The following PLEKHG4B variants were observed in gnomAD, a reference collection of about 807,000 sequenced individuals.
PLEKHG4B encodes pleckstrin homology and RhoGEF domain containing G4B.
In PLEKHG4B, 111 loss-of-function variants were observed where a neutral mutation model predicts 121.3. The ratio of observed to expected loss-of-function variants is 0.92; its 90% CI spans 0.78 to 1.07. The LOEUF is 1.07. PLEKHG4B is among the 50% of genes least tolerant of loss of function. The pLI is 0.00. For missense variants in PLEKHG4B, 1,831 were observed against 1,757.8 expected (o/e 1.04, Z -0.74); for synonymous variants, 738 against 725.0 (o/e 1.02, Z -0.29).
rs753244727 is a variant in PLEKHG4B, at chr5:140,464, C to T, written c.1225C>T (p.Gln409Ter). Residue 409 changes from glutamine to a stop codon, truncating the protein, a stop_gained, in exon 3 of 20, where the codon CAA becomes TAA. Transcript: ENST00000637938. LOFTEE classifies it high-confidence loss of function. ...AACCTCTGGCCCCCGGGGAGACCCC[C>T]AACAGACCCCAAGTCTAGAGAAGGA... ...EETSGPRGDP[Q>*]QTPSLEKERH... is the part of the protein sequence containing the mutation. 1.1e-5 allele frequency: 17 copies of T among 1,588,380 alleles called. No homozygotes were observed. The highest frequency in any genetic ancestry group is 2.7e-5 in the African/African-American group (2 of 74,198).
chr5:107,989 TAGAAG>T (rs1381905357), intron 1 of PLEKHG4B, among the ~76,000 whole-genome samples: 1 of 152,044 alleles, frequency 6.6e-6, no homozygotes, highest in Non-Finnish European at 1.5e-5. Flanking sequence ...CTCAGGGAAT[TAGAAG>T]AGAGGAGGCC....
chr5:111,227 C>G (rs1040890276), intron 1 of PLEKHG4B, among the ~76,000 whole-genome samples: 1 of 152,276 alleles, frequency 6.6e-6, no homozygotes, highest in Non-Finnish European at 1.5e-5. Flanking sequence ...AAACCTGGTT[C>G]ATGGCTCACT....
At position 140,658 on chromosome 5, in the gene PLEKHG4B, A is replaced by C; in HGVS notation, c.1419A>C (p.Gln473His). 6.2e-7 allele frequency: 1 copy of C among 1,606,678 alleles called. No homozygotes were observed. The highest frequency in any genetic ancestry group is 8.5e-7 in the Non-Finnish European group (1 of 1,176,696). The stretch of plus-strand genomic sequence containing the variant: ...GGCCTGGGGGCCACCTAGGAGGACA[A>C]GCTGTGGGGACCCCAAACTGTGTCC... Reference protein sequence around the residue: ...GSRPGGHLGGQAVGTPNCVPV... With the variant: ...GSRPGGHLGGHAVGTPNCVPV... Residue 473 changes from glutamine (Q) to histidine (H), a missense_variant, in exon 3 of 20, where the codon CAA becomes CAC. Physicochemically the swap from Gln to His is conservative, Grantham distance 24. Coordinates refer to ENST00000637938, the MANE Select transcript of PLEKHG4B (RefSeq NM_052909.5).
chr5:150,010 G>A (rs535027147), intron 6 of PLEKHG4B, among the ~76,000 whole-genome samples: 1 of 152,322 alleles, frequency 6.6e-6, no homozygotes, highest in South Asian at 2.1e-4. Context: ...ACAATACTGT[G>A]TCTGGGTATA....
chr5:106,474 T>C (rs1201540749), intron 1 of PLEKHG4B, among the ~76,000 whole-genome samples: 1 of 152,264 alleles, frequency 6.6e-6, no homozygotes, highest in Non-Finnish European at 1.5e-5. Context: ...ATTTATTTAT[T>C]TCAAGGTATT....
At chr5:142,998 A>C (rs1267145677) in intron 3 of PLEKHG4B, 49 bp from the exon 4 acceptor site, 1 of 1,551,894 alleles carries the variant, frequency 6.4e-7, no homozygotes, top group Middle Eastern at 1.7e-4. Flanking sequence ...GCTGCTTTCA[A>C]CGCGCAGGAA....
Position 171,234 on chromosome 5 carries a change from T to C in PLEKHG4B, c.3840T>C (p.Gly1280=). The C allele has an allele frequency of 6.2e-7, 1 of 1,606,038 alleles. No homozygotes were observed. The highest frequency in any genetic ancestry group is 8.5e-7 in the Non-Finnish European group (1 of 1,175,122). The stretch of plus-strand genomic sequence containing the variant: ...TGCAGGACAAGCAGCGGGAGCTAGG[T>C]GACAAAATGGACCTGGCCTCCTACC... ...AFFKDKQREL[G]DKMDLASYLL... is the part of the protein sequence containing the mutation. The change falls in exon 16 of 20, where the codon GGT becomes GGC. Residue 1280 remains glycine (G), a synonymous_variant. Coordinates refer to ENST00000637938, the MANE Select transcript of PLEKHG4B (RefSeq NM_052909.5).
rs1735837642 is a variant in PLEKHG4B, at chr5:157,723, TC to T, written c.2487+813del. 6.6e-6 allele frequency among the ~76,000 whole-genome samples: 1 copy of T among 152,216 alleles called. No individual in the cohort carries two copies. ...TGCACACTCAGATAAAAAGTTTCTT[TC>T]TTTTCTCACATATAAACTCTTCAAA... On this transcript the variant is annotated intron_variant, in intron 11 of 19. Coordinates refer to ENST00000637938, the MANE Select transcript of PLEKHG4B (RefSeq NM_052909.5). This position sits in a 1 kb window ranked among gnomAD's most constrained non-coding sequence, Gnocchi z 4.6.
intron 2 of PLEKHG4B, among the ~76,000 whole-genome samples, chr5:117,927 A>G (rs553898958): frequency 6.6e-6 from 1 of 152,312 alleles, no homozygotes; most frequent in African/African-American, 2.4e-5. Context: ...AGAGAGACAG[A>G]AGTGAGCTGG....
chr5:155,888 C>A (rs1735759535), intron 9 of PLEKHG4B, among the ~76,000 whole-genome samples, 183 bp from the exon 10 acceptor site: 1 of 152,014 alleles, frequency 6.6e-6, no homozygotes, highest in Admixed American at 6.5e-5. Flanking sequence ...TCCCAGGGAT[C>A]TTATCCTGGG....
Position 171,138 on chromosome 5 carries a change from C to G in PLEKHG4B, c.3819+6C>G, listed in dbSNP as rs752581240. On this transcript the variant is annotated splice_donor_region_variant and intron_variant, in intron 15 of 19. Transcript: ENST00000637938. ...ATGGCAACGCCTTCTTCAAGGTCAT[C>G]CCCCTCGGCCCGCCCCCCACAGCCT... The G allele has an allele frequency of 1.1e-5, 18 of 1,611,408 alleles. No individual in the cohort carries two copies. Among genetic ancestry groups the G allele is most frequent in the Non-Finnish European group, 1.5e-5 (18 of 1,178,780 alleles).
chr5:134,076 AATATATATATAT>A (rs67940117), intron 2 of PLEKHG4B, among the ~76,000 whole-genome samples: 1,174 of 40,264 alleles, frequency 0.029, 35 homozygotes, highest in African/African-American at 0.062. Flanking sequence ...TATATGATAG[AATATATATATAT>A]ATATATATAT....
chr5:163,744 A>G (rs1736135847), intron 13 of PLEKHG4B, among the ~76,000 whole-genome samples, 196 bp downstream of exon 13: 1 of 152,220 alleles, frequency 6.6e-6, no homozygotes, highest in African/African-American at 2.4e-5. Context: ...TCCGGAAGGG[A>G]CCACTGAAAA....
intron 4 of PLEKHG4B, 52 bp from the exon 5 acceptor site, chr5:143,328 C>G: frequency 6.2e-7 from 1 of 1,607,502 alleles, no homozygotes; most frequent in Non-Finnish European, 8.5e-7. Context: ...ACCCAGCTCA[C>G]CACCTTGTAG....
chr5:180,122 T>C (rs754263399), intron 18 of PLEKHG4B, among the ~76,000 whole-genome samples: 1 of 152,208 alleles, frequency 6.6e-6, no homozygotes, highest in Non-Finnish European at 1.5e-5. Context: ...ATAATTTTTT[T>C]ATTAAGTAGT....
rs111806241 is a variant in PLEKHG4B at position 130,347 on chromosome 5, G to A, written c.244-9136G>A. Among the ~76,000 whole-genome samples, 462 of 152,264 alleles carry A rather than the reference G, an allele frequency of 3.0e-3. 1 individual carries two copies. Among genetic ancestry groups the A allele is most frequent in the African/African-American group, 0.01 (418 of 41,522 alleles). ...TTTACAGAAGAGATGTTACAATTTA[G>A]CATTTAAAAAATACATAAGGAAATG... On this transcript the variant is annotated intron_variant, in intron 2 of 19. Coordinates refer to ENST00000637938, the MANE Select transcript of PLEKHG4B (RefSeq NM_052909.5).
At chr5:96,347 AAAAG>A (rs1399338673) in intron 1 of PLEKHG4B, among the ~76,000 whole-genome samples, 1 of 152,254 alleles carries the variant, frequency 6.6e-6, no homozygotes, top group African/African-American at 2.4e-5. Flanking sequence ...AAGTAAGGAA[AAAAG>A]AATGAGTTCC....
At chr5:171,761 T>A (rs1736561262) in intron 16 of PLEKHG4B, among the ~76,000 whole-genome samples, 1 of 152,212 alleles carries the variant, frequency 6.6e-6, no homozygotes, top group South Asian at 2.1e-4. Flanking sequence ...GGAAGTCTGC[T>A]TACCTGGGCT....
chr5:171,663 G>A (rs1278249212), intron 16 of PLEKHG4B, among the ~76,000 whole-genome samples: 1 of 152,202 alleles, frequency 6.6e-6, no homozygotes, highest in Non-Finnish European at 1.5e-5. Context: ...CAGGCTCGAG[G>A]CCCCTGGAGC....
Sources: allele counts gnomAD v4.1 joint callset (sites outside exome capture counted in the v4.1 genomes callset), GRCh38; gene constraint gnomAD v4.1.1; non-coding constraint Gnocchi (gnomAD v3.1); transcripts MANE v1.5; gene names NCBI Gene and HGNC (gene_info 2026-07-23, HGNC 2026-07-21).